Variants in AGMO observed in about 807,000 individuals in gnomAD.
The protein encoded by AGMO is alkylglycerol monooxygenase.
Under a neutral mutation model 60.2 loss-of-function variants are expected in AGMO, and 75 were observed. The ratio of observed to expected loss-of-function variants is 1.25; its 90% CI spans 1.03 to 1.51. AGMO has a LOEUF of 1.51. Ranked by LOEUF, AGMO falls within the 40% of genes most tolerant of loss-of-function variation. The pLI is 0.00. For synonymous variants in AGMO, 261 were observed against 177.1 expected (o/e 1.47, Z -3.76); for missense variants, 763 against 525.5 (o/e 1.45, Z -4.42).
chr7:15,122,605 G>A, the AGMO span, among the ~76,000 whole-genome samples: 9 of 151,910 alleles, frequency 5.9e-5, no homozygotes, highest in Non-Finnish European at 1.0e-4. Flanking sequence ...CTTACTCCAC[G>A]TCACTCACAT....
intron 3 of AGMO, among the ~76,000 whole-genome samples, chr7:15,482,545 T>C (rs1782787100): frequency 6.6e-6 from 1 of 152,118 alleles, no homozygotes; most frequent in South Asian, 2.1e-4. Context: ...GACCAGATTG[T>C]TTCACAACTG....
chr7:15,316,142 T>C (rs550635685), intron 12 of AGMO, among the ~76,000 whole-genome samples: 272 of 152,258 alleles, frequency 1.8e-3, no homozygotes, highest in African/African-American at 6.0e-3. Flanking sequence ...CTTGTGCCCA[T>C]TGCATCTTGG....
chr7:15,191,556 A>C, the AGMO span, among the ~76,000 whole-genome samples: 1 of 152,166 alleles, frequency 6.6e-6, no homozygotes, highest in African/African-American at 2.4e-5. Context: ...CTTTTGTCAG[A>C]TATTTTTTAT....
intron 3 of AGMO, among the ~76,000 whole-genome samples, chr7:15,451,334 T>C (rs1781850467): frequency 6.6e-6 from 1 of 152,220 alleles, no homozygotes; most frequent in South Asian, 2.1e-4. Flanking sequence ...CTTTATAAAA[T>C]TGGTGATGAA....
intron 10 of AGMO, among the ~76,000 whole-genome samples, chr7:15,367,973 T>A (rs557554342): frequency 8.6e-4 from 131 of 152,200 alleles, no homozygotes; most frequent in African/African-American, 3.0e-3. Context: ...TCACATGCAG[T>A]ACTGTAGCTT....
At chr7:15,178,191 G>C in the AGMO span, among the ~76,000 whole-genome samples, 3 of 152,044 alleles carry the variant, frequency 2.0e-5, no homozygotes, top group Non-Finnish European at 4.4e-5. Context: ...TATTTGGCCA[G>C]AATATGTTCT....
chr7:15,547,762 C>T (rs1469202577), intron 2 of AGMO, among the ~76,000 whole-genome samples: 8 of 151,914 alleles, frequency 5.3e-5, no homozygotes, highest in Non-Finnish European at 1.0e-4. Flanking sequence ...ATTGCCCGGG[C>T]TTGATTAGGT....
chr7:15,196,074 C>T (rs990999564), downstream of AGMO, among the ~76,000 whole-genome samples: 3 of 151,640 alleles, frequency 2.0e-5, no homozygotes, highest in African/African-American at 4.8e-5. Flanking sequence ...GACAGAGTCT[C>T]GCTCTGTCAC....
the AGMO span, among the ~76,000 whole-genome samples, chr7:15,132,079 T>G: frequency 1.3e-5 from 2 of 152,132 alleles, no homozygotes; most frequent in Non-Finnish European, 1.5e-5. Flanking sequence ...GGAGTGGAGA[T>G]GGGTGCATAA....
intron 3 of AGMO, among the ~76,000 whole-genome samples, chr7:15,476,790 G>A (rs916242817): frequency 6.6e-6 from 1 of 152,110 alleles, no homozygotes; most frequent in African/African-American, 2.4e-5. Flanking sequence ...CTGAAGGTTT[G>A]TATCAGTTGA....
intron 10 of AGMO, among the ~76,000 whole-genome samples, chr7:15,381,045 C>CT (rs1248128725): frequency 1.3e-5 from 2 of 152,118 alleles, no homozygotes; most frequent in Non-Finnish European, 2.9e-5. Context: ...AGATTAAAGA[C>CT]TTAAATGTGA....
chr7:15,527,907 T>C (rs1784166895), intron 3 of AGMO, among the ~76,000 whole-genome samples: 1 of 152,154 alleles, frequency 6.6e-6, no homozygotes, highest in Non-Finnish European at 1.5e-5. Context: ...ATTTTAAGCT[T>C]AGTATTGAGA....
At position 15,247,167 on chromosome 7, in the gene AGMO, G is replaced by T. The variant is rs147582177; in HGVS notation, c.1264-45808C>A. Among the ~76,000 whole-genome samples, 128 of 151,728 alleles carry T rather than the reference G, an allele frequency of 8.4e-4. 1 individual carries two copies. In the East Asian group the frequency reaches 0.021, roughly 25 times the overall value. ...CACTGGTTATCCTAAAAAAAAAACT[G>T]AGAAACAAATTAAATGTCCAACAGT... On this transcript the variant is annotated intron_variant, in intron 12 of 12. Coordinates refer to ENST00000342526, the MANE Select transcript of AGMO (RefSeq NM_001004320.2).
At chr7:15,305,197 C>G (rs1375762801) in intron 12 of AGMO, among the ~76,000 whole-genome samples, 2 of 147,758 alleles carry the variant, frequency 1.4e-5, no homozygotes, top group African/African-American at 5.1e-5. Context: ...CACCAGAGGG[C>G]AGGCAGGGGC....
In AGMO at chr7:15,265,718, C is replaced by A. The variant is rs930046272; in HGVS notation, c.1264-64359G>T. Reference sequence around the variant, plus strand: ...ATAATAGTGTAAAAGGCAACAGTCACTGTGGAAAATACGATGGTTCCTCTA... The same window carrying A: ...ATAATAGTGTAAAAGGCAACAGTCAATGTGGAAAATACGATGGTTCCTCTA... On this transcript the variant is annotated intron_variant, in intron 12 of 12. Transcript: ENST00000342526. 2.6e-5 allele frequency among the ~76,000 whole-genome samples: 4 copies of A among 152,152 alleles called. No individual in the cohort carries two copies. The South Asian group carries it at 6.2e-4, about 24-fold the overall frequency.
At chr7:15,365,995 CTA>C in intron 11 of AGMO, 143 bp downstream of exon 11, 1 of 591,564 alleles carries the variant, frequency 1.7e-6, no homozygotes, top group Non-Finnish European at 2.9e-6. Context: ...GTTAACTTCT[CTA>C]AAATAATGAG....
rs372987435 is a variant in AGMO, at chr7:15,384,129, T to G, written c.1074+1317A>C. Among the ~76,000 whole-genome samples the G allele has an allele frequency of 1.4e-3, 213 of 152,122 alleles. 1 individual carries two copies. Among genetic ancestry groups the G allele is most frequent in the East Asian group, 7.0e-3 (36 of 5,138 alleles). ...ATTTTTGTATTTTTCAGTAGAGACGTGGTTTCACCGTATTAGCCAGGATGG... is the reference window on the plus strand; with the variant it reads ...ATTTTTGTATTTTTCAGTAGAGACGGGGTTTCACCGTATTAGCCAGGATGG... On this transcript the variant is annotated intron_variant, in intron 10 of 12. Coordinates refer to ENST00000342526, the MANE Select transcript of AGMO (RefSeq NM_001004320.2).
intron 3 of AGMO, among the ~76,000 whole-genome samples, chr7:15,433,215 T>C (rs920989097): frequency 1.3e-5 from 2 of 152,076 alleles, no homozygotes; most frequent in African/African-American, 2.4e-5. Context: ...TAATATATAT[T>C]GGGAGCCACT....
intron 4 of AGMO, among the ~76,000 whole-genome samples, chr7:15,426,745 CA>C (rs1034015776): frequency 7.5e-5 from 11 of 145,998 alleles, no homozygotes; most frequent in African/African-American, 1.0e-4. Context: ...GACAATTTGT[CA>C]AAAAAAAAAT....
Sources: gnomAD v4.1 joint callset for allele counts (sites outside exome capture counted in the v4.1 genomes callset) on GRCh38, gnomAD v4.1.1 for gene constraint, MANE v1.5 for transcripts, NCBI Gene and HGNC (gene_info 2026-07-23, HGNC 2026-07-21) for gene names.